KCNIP1: variants seen among roughly 807,000 people sequenced by gnomAD.
The protein encoded by KCNIP1 is potassium voltage-gated channel interacting protein 1.
KCNIP1 carries 18 observed loss-of-function variants against 33.0 expected under a neutral mutation model. The ratio of observed to expected loss-of-function variants is 0.55; its 90% CI spans 0.38 to 0.81. The LOEUF is 0.81. KCNIP1 is among the 30% of genes least tolerant of loss of function. The pLI is 0.00. For synonymous variants in KCNIP1, 93 were observed against 98.3 expected, an observed-to-expected ratio of 0.95 and a Z score of 0.32; for missense variants, 238 against 271.6, an observed-to-expected ratio of 0.88 and a Z score of 0.87.
In KCNIP1 at chr5:170,426,320, G is replaced by A. The variant is rs114557597; in HGVS notation, c.88+72356G>A. 7.3e-3 allele frequency among the ~76,000 whole-genome samples: 1,115 copies of A among 151,890 alleles called. 15 individuals carry two copies. The highest frequency in any genetic ancestry group is 0.026 in the African/African-American group (1,074 of 41,384). On this transcript the variant is annotated intron_variant, in intron 1 of 7. Transcript: ENST00000377360. ...ATATTATCAGTCATATCAGCCCCCT[G>A]AGGCAGCTGCTCTGTTCCAGACAAA... is the stretch of plus-strand genomic sequence containing the variant.
intron 1 of KCNIP1, among the ~76,000 whole-genome samples, chr5:170,437,361 T>C (rs1755889937): frequency 6.6e-6 from 1 of 152,312 alleles, no homozygotes; most frequent in Middle Eastern, 3.4e-3. Flanking sequence ...AGGTGGCAGA[T>C]CTGGGACAGT....
chr5:170,629,132 G>A (rs768976337), intron 1 of KCNIP1, among the ~76,000 whole-genome samples: 1 of 152,122 alleles, frequency 6.6e-6, no homozygotes, highest in African/African-American at 2.4e-5. Flanking sequence ...CCTGACATAC[G>A]CATCGATCTC....
intron 1 of KCNIP1, among the ~76,000 whole-genome samples, chr5:170,547,149 G>A (rs1756441726): frequency 1.3e-5 from 2 of 152,146 alleles, no homozygotes; most frequent in South Asian, 4.1e-4. Flanking sequence ...TTTGTAGATG[G>A]TCTAACTTTT....
At chr5:170,585,506 A>G (rs1030297772) in intron 1 of KCNIP1, among the ~76,000 whole-genome samples, 3 of 151,966 alleles carry the variant, frequency 2.0e-5, no homozygotes, top group African/African-American at 7.3e-5. Context: ...TATTACTCAG[A>G]GGTGTTCAGC....
At chr5:170,626,883 AAGAAGCCC>A (rs368668853) in intron 1 of KCNIP1, among the ~76,000 whole-genome samples, 58,911 of 150,628 alleles carry the variant, frequency 0.39, 11,823 homozygotes, top group East Asian at 0.6. Flanking sequence ...AGGCCTTCTC[AAGAAGCCC>A]AGAAGGCCAG....
At chr5:170,690,730 C>T (rs1252751334) in intron 1 of KCNIP1, among the ~76,000 whole-genome samples, 1 of 152,220 alleles carries the variant, frequency 6.6e-6, no homozygotes, top group Non-Finnish European at 1.5e-5. Flanking sequence ...GGCTCTCTCT[C>T]ACCAACTTTA....
At chr5:170,462,780 T>A (rs114469379) in intron 1 of KCNIP1, among the ~76,000 whole-genome samples, 10,757 of 152,212 alleles carry the variant, frequency 0.071, 585 homozygotes, top group East Asian at 0.26. Context: ...AATGGAATAC[T>A]ACTCAGCCAA....
At chr5:170,548,549 A>G (rs1172490081) in intron 1 of KCNIP1, among the ~76,000 whole-genome samples, 1 of 152,248 alleles carries the variant, frequency 6.6e-6, no homozygotes, top group Non-Finnish European at 1.5e-5. Context: ...TCAGACCACA[A>G]ACCCATGTGA....
At chr5:170,694,308 A>T (rs1223859766) in intron 1 of KCNIP1, among the ~76,000 whole-genome samples, 1 of 152,228 alleles carries the variant, frequency 6.6e-6, no homozygotes, top group Non-Finnish European at 1.5e-5. Flanking sequence ...ATGTTTTCCA[A>T]TGAACCACAG....
intron 1 of KCNIP1, among the ~76,000 whole-genome samples, chr5:170,540,433 G>A (rs912760806): frequency 6.6e-6 from 1 of 152,192 alleles, no homozygotes; most frequent in African/African-American, 2.4e-5. Context: ...ATGAGTTATT[G>A]CACCAACAGC....
intron 1 of KCNIP1, among the ~76,000 whole-genome samples, chr5:170,367,392 AG>A (rs1763703942): frequency 7.7e-6 from 1 of 129,320 alleles, no homozygotes; most frequent in African/African-American, 3.2e-5. Flanking sequence ...AAAGAAAGAA[AG>A]AAAGAAAGAA....
chr5:170,575,958 A>G (rs1342519341), intron 1 of KCNIP1, among the ~76,000 whole-genome samples: 2 of 152,170 alleles, frequency 1.3e-5, no homozygotes, highest in African/African-American at 4.8e-5. Flanking sequence ...TCTCCAATGT[A>G]TCAGTTAGCT....
At chr5:170,641,408 ATGC>A (rs1760550613) in intron 1 of KCNIP1, among the ~76,000 whole-genome samples, 1 of 152,194 alleles carries the variant, frequency 6.6e-6, no homozygotes, top group Non-Finnish European at 1.5e-5. Flanking sequence ...CCCAGAGGCC[ATGC>A]TGGTCCCAGG....
intron 1 of KCNIP1, chr5:170,383,569 C>A (rs747381753): frequency 3.3e-6 from 4 of 1,218,174 alleles, no homozygotes; most frequent in African/African-American, 3.0e-5. Flanking sequence ...GCTGTGAGAC[C>A]TGGTCAAGTG....
intron 1 of KCNIP1, among the ~76,000 whole-genome samples, chr5:170,715,048 C>T (rs1252488183): frequency 6.6e-6 from 1 of 152,162 alleles, no homozygotes; most frequent in African/African-American, 2.4e-5. Flanking sequence ...TGGTAAGTGC[C>T]CTAATAGTTG....
upstream of KCNIP1, among the ~76,000 whole-genome samples, chr5:170,503,765 TAC>T (rs201750327): frequency 2.6e-4 from 15 of 57,702 alleles, no homozygotes; most frequent in East Asian, 7.7e-3. Flanking sequence ...CACACACACA[TAC>T]ACACACACAG....
intron 1 of KCNIP1, among the ~76,000 whole-genome samples, chr5:170,459,463 T>A (rs1391949662): frequency 6.6e-6 from 1 of 152,142 alleles, no homozygotes; most frequent in African/African-American, 2.4e-5. Flanking sequence ...CCTTGATAAA[T>A]TTAAGAAAAT....
At chr5:170,684,855 T>C (rs1762485907) in intron 1 of KCNIP1, among the ~76,000 whole-genome samples, 1 of 152,210 alleles carries the variant, frequency 6.6e-6, no homozygotes, top group South Asian at 2.1e-4. Context: ...ATAGTTACAC[T>C]TTAAATGACA....
At chr5:170,659,384 G>A (rs1225896206) in intron 1 of KCNIP1, among the ~76,000 whole-genome samples, 1 of 152,182 alleles carries the variant, frequency 6.6e-6, no homozygotes, top group Admixed American at 6.5e-5. Context: ...TGGGAGTAGA[G>A]GGGAATACAA....
Sources: allele counts gnomAD v4.1 joint callset (sites outside exome capture counted in the v4.1 genomes callset), GRCh38; gene constraint gnomAD v4.1.1; transcripts MANE v1.5; gene names NCBI Gene and HGNC (gene_info 2026-07-23, HGNC 2026-07-21).